The following SART3 variants were observed in gnomAD, a reference collection of about 807,000 sequenced individuals.
SART3 encodes HIV-1 Tat-interacting protein of 110kDa.
SART3 carries 44 observed loss-of-function variants against 122.3 expected under a neutral mutation model. The observed-to-expected ratio is 0.36, with a 90% CI of 0.28 to 0.46. The LOEUF (loss-of-function observed/expected upper bound fraction) is 0.46. Ranked by LOEUF, SART3 falls within the 20% of genes least tolerant of loss-of-function variation. The probability of loss-of-function intolerance (pLI) is 1.00; values close to 1 mark genes in which losing one functional copy is unlikely to be tolerated. For synonymous variants in SART3, 442 were observed against 454.0 expected (o/e 0.97, Z 0.34); for missense variants, 1,101 against 1,229.0 (o/e 0.90, Z 1.56).
intron 16 of SART3, 63 bp from the exon 17 acceptor site, chr12:108,525,672 C>A (rs1872340637): frequency 1.3e-6 from 2 of 1,530,872 alleles, no homozygotes; most frequent in Non-Finnish European, 1.8e-6. Flanking sequence ...TCACCTGACT[C>A]CTCTGACACC....
intron 1 of SART3, among the ~76,000 whole-genome samples, chr12:108,551,675 C>T (rs2030015488): frequency 6.6e-6 from 1 of 152,020 alleles, no homozygotes; most frequent in African/African-American, 2.4e-5. Context: ...CAAGTACTTA[C>T]GGAACATTCA....
Position 108,560,906 on chromosome 12 carries a change from G to A in SART3, c.249C>T (p.Tyr83=). The A allele has an allele frequency of 6.2e-7, 1 of 1,612,868 alleles. No homozygotes were observed. Among genetic ancestry groups the A allele is most frequent in the Non-Finnish European group, 8.5e-7 (1 of 1,179,230 alleles). The change falls in exon 1 of 19, where the codon TAC becomes TAT. Residue 83 remains tyrosine, a synonymous_variant. Transcript: ENST00000546815. ...CCTCCTCTTCGTCATATTCCCACTC[G>A]TACTCCCCGGGGGAGCTCTCCGCGG... ...ASSAESSPGE[Y]EWEYDEEEEK... is the part of the protein sequence containing the mutation.
At chr12:108,535,929 A>T (rs562652839) in intron 11 of SART3, among the ~76,000 whole-genome samples, 1 of 152,152 alleles carries the variant, frequency 6.6e-6, no homozygotes, top group African/African-American at 2.4e-5. Flanking sequence ...TCCCATATAA[A>T]AACTACCTGA....
At position 108,524,443 on chromosome 12, in the gene SART3, C is replaced by T. The variant is rs781127015; in HGVS notation, c.2587G>A (p.Gly863Ser). Reference sequence around the variant, plus strand: ...ATGATGTTCTCTTTGATAGTCATGCCGTCCATCTTCATCACAGCCTGCGAC... The same window carrying T: ...ATGATGTTCTCTTTGATAGTCATGCTGTCCATCTTCATCACAGCCTGCGAC... ...QASQAVMKMD[G>S]MTIKENIIKV... Residue 863 changes from glycine to serine, a missense_variant, in exon 18 of 19, where the codon GGC becomes AGC. Physicochemically the swap from Gly to Ser is moderately conservative, Grantham distance 56. This residue lies in a region of SART3 where 885 missense variants were observed against 1,080.1 expected (regional missense o/e 0.82). Coordinates refer to ENST00000546815, the MANE Select transcript of SART3 (RefSeq NM_014706.4). The T allele has an allele frequency of 1.1e-5, 18 of 1,614,006 alleles. No homozygotes were observed. The highest frequency in any genetic ancestry group is 1.7e-5 in the Admixed American group (1 of 60,006).
chr12:108,523,812 G>A (rs1303839133), intron 18 of SART3, 178 bp from the exon 19 acceptor site: 6 of 669,292 alleles, frequency 9.0e-6, no homozygotes, highest in Admixed American at 7.8e-5. Context: ...TGCTTCAACA[G>A]ACTTGGCCTT....
chr12:108,542,748 C>T (rs1053084177), intron 6 of SART3: 1 of 504,460 alleles, frequency 2.0e-6, no homozygotes, highest in African/African-American at 1.9e-5. Flanking sequence ...ATTATCATCA[C>T]AAAAGTCAGG....
chr12:108,545,372 A>G (rs1873357638), intron 3 of SART3, 49 bp from the exon 4 acceptor site: 3 of 1,578,372 alleles, frequency 1.9e-6, no homozygotes, highest in South Asian at 2.2e-5. Context: ...ATACCCAAAT[A>G]TCAAAACTGA....
Position 108,530,302 on chromosome 12 carries a change from C to T in SART3, c.1755G>A (p.Glu585=). The T allele has an allele frequency of 1.2e-6, 2 of 1,614,056 alleles. No individual in the cohort carries two copies. Among genetic ancestry groups the T allele is most frequent in the South Asian group, 2.2e-5 (2 of 91,082 alleles). The change falls in exon 15 of 19, where the codon GAG becomes GAA. Residue 585 remains glutamate, a synonymous_variant. Transcript: ENST00000546815. ...RVNEQRMKAA[E]KEAALVQQEE... ...CTTGCTGCACAAGGGCTGCTTCCTT[C>T]TCTGCAGCCTAGAAAAGTGGGAAGA...
At chr12:108,541,262 C>T (rs1014167164) in intron 6 of SART3, among the ~76,000 whole-genome samples, 3 of 151,792 alleles carry the variant, frequency 2.0e-5, no homozygotes, top group African/African-American at 7.3e-5. Flanking sequence ...CAAAAATTAG[C>T]GGGGCTTGGT....
At chr12:108,546,924 A>G (rs1873451675) in intron 3 of SART3, among the ~76,000 whole-genome samples, 1 of 152,150 alleles carries the variant, frequency 6.6e-6, no homozygotes, top group Non-Finnish European at 1.5e-5. Context: ...GGTTCAAGCA[A>G]TTCTCCTGCC....
At chr12:108,533,151 C>T (rs192600261) in intron 12 of SART3, among the ~76,000 whole-genome samples, 64 of 152,202 alleles carry the variant, frequency 4.2e-4, no homozygotes, top group African/African-American at 1.5e-3. Flanking sequence ...GTAAGATCCA[C>T]GTACCCCTGA....
At chr12:108,551,259 CATA>C (rs1354625506) in intron 1 of SART3, among the ~76,000 whole-genome samples, 3 of 152,136 alleles carry the variant, frequency 2.0e-5, no homozygotes, top group African/African-American at 7.2e-5. Flanking sequence ...TATAATGACA[CATA>C]ATAATAAATA....
intron 1 of SART3, 114 bp downstream of exon 1, chr12:108,560,729 G>C (rs189424192): frequency 2.2e-6 from 2 of 907,956 alleles, no homozygotes; most frequent in East Asian, 5.3e-5. Context: ...ACGAAAAGCG[G>C]GTTTGCAGCC....
chr12:108,543,003 T>C (rs1211730482), intron 6 of SART3, 25 bp downstream of exon 6: 1 of 1,614,032 alleles, frequency 6.2e-7, no homozygotes, highest in Non-Finnish European at 8.5e-7. Context: ...GAGAGACGTT[T>C]ACTATAAAAG....
At chr12:108,557,811 A>G (rs2030297197) in intron 1 of SART3, among the ~76,000 whole-genome samples, 11 of 152,182 alleles carry the variant, frequency 7.2e-5, no homozygotes, top group Admixed American at 5.9e-4. Context: ...ACAAACACAT[A>G]TAATGGAAAA....
chr12:108,559,155 T>G (rs2030363118), intron 1 of SART3, among the ~76,000 whole-genome samples: 1 of 151,302 alleles, frequency 6.6e-6, no homozygotes, highest in South Asian at 2.1e-4. Flanking sequence ...GACATCACTA[T>G]CTCATAACAA....
chr12:108,546,738 T>C (rs886380881), intron 3 of SART3, among the ~76,000 whole-genome samples: 1 of 151,810 alleles, frequency 6.6e-6, no homozygotes, highest in East Asian at 1.9e-4. Context: ...GCAGGCTGAT[T>C]TCGAACTCCT....
chr12:108,526,300 C>T lies in SART3; in HGVS notation c.2169G>A (p.Arg723=). ...YSMQEPDTKL[R]PLFEACGEVV... ...CCTCCCCACAGGCCTCGAAGAGTGG[C>T]CTGAGCTTCGTGTCCGGCTCCTGCA... Residue 723 remains arginine (R), a synonymous_variant, in exon 16 of 19, where the codon AGG becomes AGA. Transcript: ENST00000546815. 6.2e-7 allele frequency: 1 copy of T among 1,614,214 alleles called. No homozygotes were observed. Among genetic ancestry groups the T allele is most frequent in the Non-Finnish European group, 8.5e-7 (1 of 1,180,038 alleles).
At chr12:108,535,676 A>G (rs1216499908) in intron 11 of SART3, 19 of 587,108 alleles carry the variant, frequency 3.2e-5, no homozygotes, top group Non-Finnish European at 6.0e-5. Flanking sequence ...TAATCTACCT[A>G]TGTTTCCTGA....
Sources: gnomAD v4.1 joint callset for allele counts (sites outside exome capture counted in the v4.1 genomes callset) on GRCh38, gnomAD v4.1.1 for gene constraint, gnomAD v4.1.1 regional missense constraint, MANE v1.5 for transcripts, NCBI Gene and HGNC (gene_info 2026-07-23, HGNC 2026-07-21) for gene names.